Variants in LRRTM4 observed in about 807,000 individuals in gnomAD.
LRRTM4 encodes the protein leucine-rich repeat transmembrane neuronal protein 4.
In LRRTM4, 25 loss-of-function variants were observed where a neutral mutation model predicts 47.6. That is an observed-to-expected ratio of 0.53 (90% CI 0.38 to 0.73). The LOEUF (loss-of-function observed/expected upper bound fraction) is 0.73. LRRTM4 is among the 30% of genes least tolerant of loss of function. The pLI, the probability that LRRTM4 is intolerant of heterozygous loss-of-function variation, is 0.00. For missense variants in LRRTM4, 638 were observed against 713.4 expected, an observed-to-expected ratio of 0.89 and a Z score of 1.20; for synonymous variants, 311 against 269.5, an observed-to-expected ratio of 1.15 and a Z score of -1.51.
chr2:77,440,981 A>T (rs1003609442), intron 3 of LRRTM4, among the ~76,000 whole-genome samples: 10 of 152,238 alleles, frequency 6.6e-5, no homozygotes, highest in African/African-American at 2.2e-4. Context: ...TGTTGTAGCT[A>T]TTTACATTAT....
intron 3 of LRRTM4, among the ~76,000 whole-genome samples, chr2:77,051,827 T>G (rs368086527): frequency 1.3e-5 from 2 of 152,210 alleles, no homozygotes; most frequent in Middle Eastern, 3.4e-3. Context: ...CCTTGTCAAA[T>G]AGGAAACTGA....
chr2:77,408,193 A>C (rs1674286523), intron 3 of LRRTM4, among the ~76,000 whole-genome samples: 1 of 151,824 alleles, frequency 6.6e-6, no homozygotes, highest in Non-Finnish European at 1.5e-5. Flanking sequence ...CCCCAGGGGG[A>C]GTGCTTTTTC....
At chr2:76,801,026 C>A (rs13393495) in intron 3 of LRRTM4, among the ~76,000 whole-genome samples, 59,353 of 135,124 alleles carry the variant, frequency 0.44, 15,512 homozygotes, top group African/African-American at 0.66. Context: ...GGTGCTGGAG[C>A]GGATGTGGAG....
At chr2:77,142,545 A>G (rs1672152548) in intron 3 of LRRTM4, among the ~76,000 whole-genome samples, 1 of 152,164 alleles carries the variant, frequency 6.6e-6, no homozygotes, top group Non-Finnish European at 1.5e-5. Flanking sequence ...CATCCCAAAT[A>G]TATTAATAAT....
chr2:76,938,389 A>G (rs1015341830), intron 3 of LRRTM4, among the ~76,000 whole-genome samples: 1 of 121,474 alleles, frequency 8.2e-6, no homozygotes, highest in African/African-American at 2.8e-5. Flanking sequence ...AAAAGAATAT[A>G]AATTGTTAAA....
intron 3 of LRRTM4, among the ~76,000 whole-genome samples, chr2:76,931,291 G>T (rs1157361119): frequency 6.6e-6 from 1 of 152,136 alleles, no homozygotes; most frequent in Non-Finnish European, 1.5e-5. Context: ...AGAAATGTGA[G>T]CATATATTAA....
intron 3 of LRRTM4, among the ~76,000 whole-genome samples, chr2:76,810,517 G>A (rs1052861372): frequency 6.6e-6 from 1 of 152,096 alleles, no homozygotes. Context: ...TGATAAAATT[G>A]TTTTGAGATC....
At chr2:77,486,836 A>G (rs1045279656) in intron 3 of LRRTM4, among the ~76,000 whole-genome samples, 7 of 152,194 alleles carry the variant, frequency 4.6e-5, no homozygotes, top group African/African-American at 1.7e-4. Context: ...CCCATTTCCA[A>G]CTCTTCTGAT....
At chr2:77,316,968 A>C (rs1231096255) in intron 3 of LRRTM4, among the ~76,000 whole-genome samples, 2 of 152,236 alleles carry the variant, frequency 1.3e-5, no homozygotes, top group Non-Finnish European at 2.9e-5. Context: ...TAAACACATA[A>C]GTTTTTCCTA....
rs987634524 is a variant in LRRTM4 at position 77,487,994 on chromosome 2, A to G, written c.1551+30324T>C. ...CATTCTTCCTGGACTTGCGACAAGA[A>G]CTTGAGACCTGATGAATGGTGGGTC... On this transcript the variant is annotated intron_variant, in intron 3 of 3. Coordinates refer to ENST00000409884, the MANE Select transcript of LRRTM4 (RefSeq NM_001134745.3). Among the ~76,000 whole-genome samples the G allele has an allele frequency of 2.6e-5, 4 of 152,280 alleles. No homozygotes were observed. In the East Asian group the frequency reaches 7.8e-4, roughly 30 times the overall value.
At chr2:76,914,056 G>A (rs972398409) in intron 3 of LRRTM4, among the ~76,000 whole-genome samples, 2 of 151,522 alleles carry the variant, frequency 1.3e-5, no homozygotes, top group Non-Finnish European at 2.9e-5. Flanking sequence ...ATTTTATACA[G>A]CAAAGTTTGA....
At chr2:77,345,151 G>A (rs555782887) in intron 3 of LRRTM4, among the ~76,000 whole-genome samples, 407 of 150,786 alleles carry the variant, frequency 2.7e-3, no homozygotes, top group Admixed American at 7.3e-3. Flanking sequence ...AAAGAGCAAG[G>A]AATGAACAGA....
intron 3 of LRRTM4, among the ~76,000 whole-genome samples, chr2:76,803,082 G>A (rs1272900425): frequency 1.3e-5 from 2 of 151,972 alleles, no homozygotes; most frequent in Non-Finnish European, 2.9e-5. Context: ...AAAAAAGTAT[G>A]GGTAACTAAA....
At chr2:77,195,962 G>A (rs971676288) in intron 3 of LRRTM4, among the ~76,000 whole-genome samples, 1 of 152,146 alleles carries the variant, frequency 6.6e-6, no homozygotes, top group Non-Finnish European at 1.5e-5. Flanking sequence ...AGGTCCGTAT[G>A]TGTAAGTAAG....
At chr2:77,491,852 A>G (rs1308160758) in intron 3 of LRRTM4, among the ~76,000 whole-genome samples, 1 of 151,996 alleles carries the variant, frequency 6.6e-6, no homozygotes, top group Non-Finnish European at 1.5e-5. Flanking sequence ...TAAAAACTAT[A>G]AAAGGCACAT....
chr2:77,270,389 G>T (rs77113194), intron 3 of LRRTM4, among the ~76,000 whole-genome samples: 1 of 152,058 alleles, frequency 6.6e-6, no homozygotes, highest in African/African-American at 2.4e-5. Context: ...ATGATGACTC[G>T]TGTGAAAATA....
chr2:77,355,519 T>C (rs1558703850), intron 3 of LRRTM4, among the ~76,000 whole-genome samples: 1 of 152,154 alleles, frequency 6.6e-6, no homozygotes, highest in Non-Finnish European at 1.5e-5. Context: ...ATTGCTACAA[T>C]AATGCTATCA....
intron 3 of LRRTM4, among the ~76,000 whole-genome samples, chr2:77,174,055 AC>A (rs1422431018): frequency 6.6e-6 from 1 of 151,884 alleles, no homozygotes; most frequent in African/African-American, 2.4e-5. Context: ...TTGTGCTGCC[AC>A]CCCCTAAGGA....
At chr2:76,801,436 T>C (rs1466315279) in intron 3 of LRRTM4, among the ~76,000 whole-genome samples, 1 of 151,956 alleles carries the variant, frequency 6.6e-6, no homozygotes, top group African/African-American at 2.4e-5. Context: ...ACAGCGCATA[T>C]TCTCACTCAT....
Sources: gnomAD v4.1 joint callset for allele counts (sites outside exome capture counted in the v4.1 genomes callset) on GRCh38, gnomAD v4.1.1 for gene constraint, MANE v1.5 for transcripts, NCBI Gene and HGNC (gene_info 2026-07-23, HGNC 2026-07-21) for gene names.